Variants in INTS9 observed in about 807,000 individuals in gnomAD.
INTS9 encodes integrator complex subunit 9.
Under a neutral mutation model 79.7 loss-of-function variants are expected in INTS9, and 55 were observed. The observed-to-expected ratio is 0.69, with a 90% CI of 0.56 to 0.86. The LOEUF (loss-of-function observed/expected upper bound fraction) is 0.86. Among genes scored for constraint, INTS9 ranks in the 40% least tolerant of loss-of-function variants. The pLI, the probability that INTS9 is intolerant of heterozygous loss-of-function variation, is 0.00. For synonymous variants in INTS9, 319 were observed against 325.2 expected, an observed-to-expected ratio of 0.98 and a Z score of 0.20; for missense variants, 721 against 831.5, an observed-to-expected ratio of 0.87 and a Z score of 1.64.
chr8:28,771,114 C>G, intron 14 of INTS9, 34 bp from the exon 15 acceptor site: 1 of 1,388,694 alleles, frequency 7.2e-7, no homozygotes, highest in Non-Finnish European at 1.0e-6. Flanking sequence ...GGCTGGGGGC[C>G]TTTAATGATG....
chr8:28,805,578 G>A (rs968501509), intron 8 of INTS9, among the ~76,000 whole-genome samples: 1 of 152,136 alleles, frequency 6.6e-6, no homozygotes, highest in Admixed American at 6.6e-5. Flanking sequence ...TATTATGTAT[G>A]TTCTAAACGA....
intron 6 of INTS9, among the ~76,000 whole-genome samples, chr8:28,824,909 T>C (rs1217265787): frequency 1.3e-5 from 2 of 152,170 alleles, no homozygotes; most frequent in South Asian, 4.1e-4. Flanking sequence ...GGAAATGATA[T>C]ATAATATAAT....
intron 11 of INTS9, among the ~76,000 whole-genome samples, chr8:28,783,351 G>A (rs1803412073): frequency 6.6e-6 from 1 of 152,064 alleles, no homozygotes. Context: ...TGCTGCCCAG[G>A]CCTCCTTGCC....
At chr8:28,889,787 GACGATTCCCTGCCCA>G in intron 1 of INTS9, 72 bp downstream of exon 1, 1 of 1,485,408 alleles carries the variant, frequency 6.7e-7, no homozygotes, top group Non-Finnish European at 9.3e-7. Flanking sequence ...CCTCCCGTGC[GACGATTCCCTGCCCA>G]ACGTAGGAAA....
At chr8:28,884,540 T>C (rs150502779) in intron 1 of INTS9, among the ~76,000 whole-genome samples, 40 of 152,250 alleles carry the variant, frequency 2.6e-4, no homozygotes, top group Non-Finnish European at 5.3e-4. Flanking sequence ...AATAATAATT[T>C]TGGACTCTGA....
intron 6 of INTS9, among the ~76,000 whole-genome samples, chr8:28,833,766 A>G (rs1307102888): frequency 6.6e-6 from 1 of 152,068 alleles, no homozygotes; most frequent in Non-Finnish European, 1.5e-5. Context: ...CCTGGAGATG[A>G]AGGCAGAATT....
At chr8:28,861,310 T>TA (rs1808446180) in intron 1 of INTS9, among the ~76,000 whole-genome samples, 1 of 152,228 alleles carries the variant, frequency 6.6e-6, no homozygotes, top group Admixed American at 6.5e-5. Flanking sequence ...ACTTGGTCTT[T>TA]ATCCCCATCT....
In INTS9 at chr8:28,774,033, T is replaced by C. The variant is rs992207278; in HGVS notation, c.1563+1726A>G. Among the ~76,000 whole-genome samples the C allele has an allele frequency of 7.2e-5, 11 of 152,156 alleles. No homozygotes were observed. The South Asian group carries it at 2.3e-3, about 32-fold the overall frequency. On this transcript the variant is annotated intron_variant, in intron 14 of 16. Coordinates refer to ENST00000521022, the MANE Select transcript of INTS9 (RefSeq NM_018250.4). ...TTTCACCACCTTGGCCAGGCTAGTCTTGAACTCCTGACCTCATTGTCCACC... is the reference window on the plus strand; with the variant it reads ...TTTCACCACCTTGGCCAGGCTAGTCCTGAACTCCTGACCTCATTGTCCACC...
chr8:28,857,340 A>C (rs943709646), intron 2 of INTS9, among the ~76,000 whole-genome samples: 2 of 152,196 alleles, frequency 1.3e-5, no homozygotes, highest in Non-Finnish European at 2.9e-5. Flanking sequence ...CATGGAGGTC[A>C]GTGCTGCTGA....
intron 8 of INTS9, among the ~76,000 whole-genome samples, chr8:28,797,466 C>T (rs1804288607): frequency 6.6e-6 from 1 of 152,240 alleles, no homozygotes; most frequent in African/African-American, 2.4e-5. Flanking sequence ...ACCCATCTCC[C>T]CTAGATGACT....
intron 5 of INTS9, among the ~76,000 whole-genome samples, chr8:28,835,808 G>C (rs114986026): frequency 6.6e-6 from 1 of 151,714 alleles, no homozygotes; most frequent in African/African-American, 2.4e-5. Context: ...ACAATATTAA[G>C]TGAACTTTTT....
At chr8:28,797,444 G>A (rs1247656048) in intron 8 of INTS9, among the ~76,000 whole-genome samples, 1 of 152,080 alleles carries the variant, frequency 6.6e-6, no homozygotes, top group South Asian at 2.1e-4. Flanking sequence ...TATAAAATGG[G>A]GCTATTTCTT....
intron 15 of INTS9, 46 bp downstream of exon 15, chr8:28,770,936 C>G: frequency 7.3e-7 from 1 of 1,364,510 alleles, no homozygotes; most frequent in Non-Finnish European, 1.0e-6. Context: ...GGTCTGGTTT[C>G]TTGCTGGGGA....
At chr8:28,775,163 G>C (rs559834251) in intron 14 of INTS9, among the ~76,000 whole-genome samples, 31 of 152,326 alleles carry the variant, frequency 2.0e-4, no homozygotes, top group Non-Finnish European at 3.8e-4. Context: ...TTTAGGGACA[G>C]AGCGGGTGTC....
chr8:28,870,895 G>C (rs986010780), intron 1 of INTS9, among the ~76,000 whole-genome samples: 5 of 152,086 alleles, frequency 3.3e-5, no homozygotes, highest in South Asian at 2.1e-4. Flanking sequence ...TCAAGAGTTG[G>C]GGGTGGGGAG....
At chr8:28,851,305 C>A (rs1233900007) in intron 2 of INTS9, among the ~76,000 whole-genome samples, 7 of 151,968 alleles carry the variant, frequency 4.6e-5, no homozygotes, top group Non-Finnish European at 2.9e-5. Context: ...AAAGTCAACA[C>A]AAAAGCATAA....
chr8:28,884,077 A>G (rs1032420388), intron 1 of INTS9, among the ~76,000 whole-genome samples: 6 of 150,042 alleles, frequency 4.0e-5, no homozygotes, highest in African/African-American at 1.5e-4. Context: ...TTCTATTAGT[A>G]CAGTCTTCTG....
At chr8:28,841,280 C>T (rs573011271) in intron 4 of INTS9, among the ~76,000 whole-genome samples, 1 of 152,210 alleles carries the variant, frequency 6.6e-6, no homozygotes, top group Non-Finnish European at 1.5e-5. Flanking sequence ...TGGTCCTACT[C>T]TCCACTACCT....
rs1353257164 is a variant in INTS9 at position 28,881,526 on chromosome 8, T to TG, written c.9+8347dup. 1.3e-3 allele frequency among the ~76,000 whole-genome samples: 11 copies of TG among 8,530 alleles called. 1 individual carries two copies. The highest frequency in any genetic ancestry group is 5.4e-3 in the East Asian group (1 of 186). 5.6% of individuals were successfully genotyped at this position (8,530 alleles called of 152,430 possible). A position where few individuals can be genotyped will look rare whatever the true frequency, so the allele number is the denominator to read the frequency against. ...CCAGCCGCCCCGTCCGGGAGGGAGG[T>TG]GGGGGGGGTCAGCCCCCCGCCCGGC... On this transcript the variant is annotated intron_variant, in intron 1 of 16. Coordinates refer to ENST00000521022, the MANE Select transcript of INTS9 (RefSeq NM_018250.4).
Sources: allele counts gnomAD v4.1 joint callset (sites outside exome capture counted in the v4.1 genomes callset), GRCh38; gene constraint gnomAD v4.1.1; transcripts MANE v1.5; gene names NCBI Gene and HGNC (gene_info 2026-07-23, HGNC 2026-07-21).